The following MESP1 variants were observed in gnomAD, a reference collection of about 807,000 sequenced individuals.
The protein encoded by MESP1 is mesoderm posterior bHLH transcription factor 1.
Under a neutral mutation model 15.2 loss-of-function variants are expected in MESP1, and 22 were observed. That is an observed-to-expected ratio of 1.45 (90% CI 1.04 to 2.07). The LOEUF (loss-of-function observed/expected upper bound fraction) is 2.07, where lower values mean the gene tolerates loss of function less well. MESP1 is among the 30% of genes most tolerant of loss of function. The pLI, the probability that MESP1 is intolerant of heterozygous loss-of-function variation, is 0.00. For missense variants in MESP1, 484 were observed against 411.9 expected (o/e 1.17, Z -1.51); for synonymous variants, 216 against 192.6 (o/e 1.12, Z -1.01).
downstream of MESP1, among the ~76,000 whole-genome samples, chr15:89,746,248 TAGCATCCACACCTCCACACGTCCATGC>T (rs1224093448): frequency 2.5e-5 from 3 of 121,714 alleles, no homozygotes; most frequent in Non-Finnish European, 5.1e-5. Flanking sequence ...ATCATCCACA[TAGCATCCACACCTCCACACGTCCATGC>T]AGCATCCACA....
chr15:89,737,161 C>A, the MESP1 span, among the ~76,000 whole-genome samples: 1 of 152,194 alleles, frequency 6.6e-6, no homozygotes, highest in Non-Finnish European at 1.5e-5. Context: ...GGCAAGAGAG[C>A]ATCCCCAGCT....
Position 89,750,100 on chromosome 15 carries a change from C to T in MESP1, c.*44G>A. 1 of 1,590,796 alleles carries T rather than the reference C, an allele frequency of 6.3e-7. No individual in the cohort carries two copies. Among genetic ancestry groups the T allele is most frequent in the South Asian group, 1.1e-5 (1 of 90,620 alleles). Reference sequence around the variant, plus strand: ...GGAACCACTTCGAAGGTGCTGAGGCCAAAAAGCCTCGGTGCTCACAGAGAC... The same window carrying T: ...GGAACCACTTCGAAGGTGCTGAGGCTAAAAAGCCTCGGTGCTCACAGAGAC... On this transcript the variant is annotated 3_prime_UTR_variant, in exon 2 of 2. Coordinates refer to ENST00000300057, the MANE Select transcript of MESP1 (RefSeq NM_018670.4).
the MESP1 span, chr15:89,743,233 G>T: frequency 7.9e-5 from 125 of 1,577,654 alleles, no homozygotes; most frequent in Non-Finnish European, 1.0e-4. Flanking sequence ...CTGCCCTGGG[G>T]GCTCGGGAGC....
At chr15:89,736,447 G>A in the MESP1 span, among the ~76,000 whole-genome samples, 2,080 of 152,238 alleles carry the variant, frequency 0.014, 48 homozygotes, top group African/African-American at 0.048. Context: ...GGTTGAAGTG[G>A]GGCGTACAGC....
At chr15:89,743,591 C>T in the MESP1 span, 1 of 590,804 alleles carries the variant, frequency 1.7e-6, no homozygotes, top group Non-Finnish European at 3.0e-6. Context: ...TCAGAGCCCT[C>T]AGGCAGGCAG....
At chr15:89,745,381 C>T (rs548933585), downstream of MESP1, among the ~76,000 whole-genome samples, 14 of 152,270 alleles carry the variant, frequency 9.2e-5, no homozygotes, top group East Asian at 3.9e-4. This position sits in a 1 kb window ranked among gnomAD's most constrained non-coding sequence, Gnocchi z 4.8. Flanking sequence ...CAGCCACTTC[C>T]GCCTGTGCAG....
At chr15:89,736,073 G>A in the MESP1 span, among the ~76,000 whole-genome samples, 4 of 152,214 alleles carry the variant, frequency 2.6e-5, no homozygotes, top group Non-Finnish European at 2.9e-5. Flanking sequence ...ACACTGCGCA[G>A]AAGGATACAG....
the MESP1 span, among the ~76,000 whole-genome samples, chr15:89,735,124 G>T: frequency 6.6e-6 from 1 of 151,986 alleles, no homozygotes; most frequent in Non-Finnish European, 1.5e-5. Context: ...TCAAAGTGCT[G>T]GGCCCCCAAA....
the MESP1 span, among the ~76,000 whole-genome samples, chr15:89,739,225 A>T: frequency 6.6e-6 from 1 of 152,114 alleles, no homozygotes; most frequent in Non-Finnish European, 1.5e-5. Context: ...TTTTGTAAAT[A>T]AGGTTTTATT....
At chr15:89,733,049 C>T in the MESP1 span, 2 of 1,614,186 alleles carry the variant, frequency 1.2e-6, no homozygotes, top group Admixed American at 1.7e-5. Flanking sequence ...GATGTTTCTG[C>T]CAAAGCATTC....
At position 89,750,358 on chromosome 15, in the gene MESP1, C is replaced by T; in HGVS notation, c.724-131G>A. On this transcript the variant is annotated intron_variant, in intron 1 of 1. Coordinates refer to ENST00000300057, the MANE Select transcript of MESP1 (RefSeq NM_018670.4). The stretch of plus-strand genomic sequence containing the variant: ...CAGTCCTCTGCGTGGCCTTTCCCTG[C>T]CTTCGCTTCTTGGAGCCCTGGGCAT... 8 of 1,496,898 alleles carry T rather than the reference C, an allele frequency of 5.3e-6. No homozygotes were observed. The South Asian group carries it at 9.9e-5, about 18-fold the overall frequency. The allele number at this position is 1,496,898 out of a possible 1,614,324, so 92.7% of individuals were successfully genotyped here. A position where few individuals can be genotyped will look rare whatever the true frequency, so the allele number is the denominator to read the frequency against.
downstream of MESP1, among the ~76,000 whole-genome samples, chr15:89,748,488 T>G (rs1243904380): frequency 6.6e-6 from 1 of 152,152 alleles, no homozygotes; most frequent in Non-Finnish European, 1.5e-5. Flanking sequence ...TCTGAAGCAG[T>G]TGAAAAACAA....
Position 89,751,059 on chromosome 15 carries a change from G to T in MESP1, c.173C>A (p.Pro58Gln). 1 of 1,273,866 alleles carries T rather than the reference G, an allele frequency of 7.9e-7. No homozygotes were observed. Among genetic ancestry groups the T allele is most frequent in the Non-Finnish European group, 9.8e-7 (1 of 1,015,628 alleles). The allele number at this position is 1,273,866 out of a possible 1,614,324, so 78.9% of individuals were successfully genotyped here. ...GGCGCGGGGGTCCCGGAGGGTGCCTGGCCGCGCGGGGCTCGCCACGGGGCT... is the reference window on the plus strand; with the variant it reads ...GGCGCGGGGGTCCCGGAGGGTGCCTTGCCGCGCGGGGCTCGCCACGGGGCT... ...ADSPVASPAR[P>Q]GTLRDPRAPS... The change falls in exon 1 of 2, where the codon CCA becomes CAA. Residue 58 changes from proline to glutamine, a missense_variant. Transcript: ENST00000300057.
chr15:89,739,031 G>A, the MESP1 span, among the ~76,000 whole-genome samples: 5 of 151,700 alleles, frequency 3.3e-5, no homozygotes, highest in East Asian at 5.8e-4. Context: ...GGGGAGAATT[G>A]CTTGAACCTG....
At chr15:89,743,949 G>A in the MESP1 span, among the ~76,000 whole-genome samples, 3 of 152,238 alleles carry the variant, frequency 2.0e-5, no homozygotes, top group East Asian at 1.9e-4. Context: ...GCAGGCAGGA[G>A]CTGGGCCACT....
chr15:89,737,056 G>T, the MESP1 span, among the ~76,000 whole-genome samples: 1 of 152,220 alleles, frequency 6.6e-6, no homozygotes, highest in Non-Finnish European at 1.5e-5. Context: ...CTCCCAAAGT[G>T]CTGGGATTAC....
chr15:89,738,393 G>A, the MESP1 span, among the ~76,000 whole-genome samples: 2,079 of 152,260 alleles, frequency 0.014, 46 homozygotes, highest in African/African-American at 0.048. Context: ...TTGGGAGTCC[G>A]AGGCAGGCGG....
the MESP1 span, among the ~76,000 whole-genome samples, chr15:89,744,388 G>A: frequency 6.6e-6 from 1 of 152,148 alleles, no homozygotes; most frequent in East Asian, 1.9e-4. Context: ...AAATATAGCC[G>A]CCAACATACC....
At chr15:89,737,870 C>G in the MESP1 span, 1 of 1,364,138 alleles carries the variant, frequency 7.3e-7, no homozygotes. Context: ...GCTCAGTCCT[C>G]ACAGGGCACT....
Sources: gnomAD v4.1 joint callset for allele counts (sites outside exome capture counted in the v4.1 genomes callset) on GRCh38, gnomAD v4.1.1 for gene constraint, Gnocchi (gnomAD v3.1) non-coding constraint, MANE v1.5 for transcripts, NCBI Gene and HGNC (gene_info 2026-07-23, HGNC 2026-07-21) for gene names.